Variants in PTGR2 observed in about 807,000 individuals in gnomAD.
The protein encoded by PTGR2 is 15-oxoprostaglandin 13-reductase.
In PTGR2, 32 loss-of-function variants were observed where a neutral mutation model predicts 43.4. The ratio of observed to expected loss-of-function variants is 0.74; its 90% CI spans 0.56 to 0.99. The LOEUF (loss-of-function observed/expected upper bound fraction) is 0.99. PTGR2 is among the 50% of genes least tolerant of loss of function. The pLI is 0.00. For missense variants in PTGR2, 373 were observed against 420.0 expected (o/e 0.89, Z 0.98); for synonymous variants, 106 against 139.2 (o/e 0.76, Z 1.68).
intron 4 of PTGR2, 72 bp from the exon 5 acceptor site, chr14:73,876,926 C>A: frequency 8.7e-7 from 1 of 1,150,926 alleles, no homozygotes; most frequent in Non-Finnish European, 1.3e-6. Flanking sequence ...CAGTCCATAA[C>A]ACGTTGTCTC....
chr14:73,859,000 G>A, intron 2 of PTGR2, 101 bp downstream of exon 2: 1 of 867,836 alleles, frequency 1.2e-6, no homozygotes. Flanking sequence ...AATTAAGGTA[G>A]TAAGATATTG....
At chr14:73,862,645 T>C (rs1051023817) in intron 3 of PTGR2, among the ~76,000 whole-genome samples, 7 of 152,228 alleles carry the variant, frequency 4.6e-5, no homozygotes, top group African/African-American at 7.2e-5. Context: ...GCTTTTGATA[T>C]TATATTGCAG....
At chr14:73,878,242 A>AT (rs1458661996) in intron 5 of PTGR2, 2 of 152,186 alleles carry the variant, frequency 1.3e-5, no homozygotes, top group Non-Finnish European at 2.9e-5. Flanking sequence ...CCGAGCTGTG[A>AT]TTTTAGTTCG....
intron 1 of PTGR2, among the ~76,000 whole-genome samples, chr14:73,857,504 C>G (rs928096032): frequency 4.0e-5 from 6 of 151,680 alleles, no homozygotes; most frequent in Non-Finnish European, 8.8e-5. Flanking sequence ...ATCCCAGCTA[C>G]TTGGGAAGCT....
intron 7 of PTGR2, 149 bp from the exon 8 acceptor site, chr14:73,881,056 A>G (rs566691639): frequency 7.8e-6 from 4 of 515,562 alleles, no homozygotes; most frequent in Non-Finnish European, 1.4e-5. Flanking sequence ...TTACACCTGT[A>G]ACTATGCATA....
At position 73,878,108 on chromosome 14, in the gene PTGR2, T is replaced by C. The variant is rs2054903845; in HGVS notation, c.519+940T>C. The C allele has an allele frequency of 2.0e-5, 3 of 152,176 alleles. No individual in the cohort carries two copies. The South Asian group carries it at 6.2e-4, about 32-fold the overall frequency. The allele number at this position is 152,176 out of a possible 1,614,324, so 9.4% of individuals were successfully genotyped here. A position where few individuals can be genotyped will look rare whatever the true frequency, so the allele number is the denominator to read the frequency against. On this transcript the variant is annotated intron_variant, in intron 5 of 9. Transcript: ENST00000555661. ...TTACAGTGAGCTATGATTGCACCAC[T>C]GTACTCCAGCCTGGGTGACAGACCC... is the stretch of plus-strand genomic sequence containing the variant.
intron 9 of PTGR2, among the ~76,000 whole-genome samples, chr14:73,883,654 T>G (rs1409965169): frequency 5.3e-5 from 8 of 151,910 alleles, no homozygotes; most frequent in Admixed American, 5.2e-4. Context: ...CCCAGCTGAT[T>G]TTTGTATTTT....
intron 5 of PTGR2, chr14:73,877,971 A>G (rs7155548): frequency 0.34 from 51,069 of 152,050 alleles, 9,671 homozygotes; most frequent in Non-Finnish European, 0.42. Context: ...CAGCCTGGGC[A>G]ACATAGTAAG....
At chr14:73,857,273 G>A (rs2054370474) in intron 1 of PTGR2, among the ~76,000 whole-genome samples, 1 of 146,886 alleles carries the variant, frequency 6.8e-6, no homozygotes, top group South Asian at 2.2e-4. Flanking sequence ...TGATAAGAAG[G>A]CAAAGGAATT....
Position 73,858,697 on chromosome 14 carries a change from T to C in PTGR2, c.-47-119T>C. ...AAACTCTGACAGGCGAGTTTATCTT[T>C]TTGGATCCTAAATGTGATTTTTCTC... On this transcript the variant is annotated intron_variant, in intron 1 of 9. Transcript: ENST00000555661. 4 of 447,198 alleles carry C rather than the reference T, an allele frequency of 8.9e-6. No homozygotes were observed. The South Asian group carries it at 1.9e-4, about 21-fold the overall frequency. 27.7% of individuals were successfully genotyped at this position (447,198 alleles called of 1,614,324 possible). A position where few individuals can be genotyped will look rare whatever the true frequency, so the allele number is the denominator to read the frequency against.
At chr14:73,861,695 C>T (rs1182533809) in intron 3 of PTGR2, 5 of 152,058 alleles carry the variant, frequency 3.3e-5, no homozygotes, top group African/African-American at 1.2e-4. Flanking sequence ...ATGATTGCGC[C>T]ACTGCACTTC....
intron 3 of PTGR2, among the ~76,000 whole-genome samples, chr14:73,873,123 C>T (rs2054776437): frequency 6.6e-6 from 1 of 151,950 alleles, no homozygotes. Context: ...GCCTGACCAA[C>T]ATGGAGAAAC....
intron 3 of PTGR2, among the ~76,000 whole-genome samples, chr14:73,865,391 G>A (rs2054578176): frequency 6.6e-6 from 1 of 152,052 alleles, no homozygotes; most frequent in East Asian, 1.9e-4. Context: ...CTGCTTTTTT[G>A]TTCCATCTGG....
chr14:73,885,571 G>A lies in PTGR2; in HGVS notation c.*1394G>A, dbSNP rs1044611207. The A allele has an allele frequency of 6.6e-6, 1 of 152,142 alleles. No individual in the cohort carries two copies. The highest frequency in any genetic ancestry group is 6.6e-5 in the Admixed American group (1 of 15,256). 9.4% of individuals were successfully genotyped at this position (152,142 alleles called of 1,614,324 possible). Reference sequence around the variant, plus strand: ...GGTAATCAGCCTCCCCAGTTTTCGTGAGTGGCCCTTTTTTGTTACTTTTCC... The same window carrying A: ...GGTAATCAGCCTCCCCAGTTTTCGTAAGTGGCCCTTTTTTGTTACTTTTCC... On this transcript the variant is annotated 3_prime_UTR_variant, in exon 10 of 10. Coordinates refer to ENST00000555661, the MANE Select transcript of PTGR2 (RefSeq NM_001146154.2).
intron 8 of PTGR2, 38 bp downstream of exon 8, chr14:73,881,330 C>T: frequency 8.3e-7 from 1 of 1,211,858 alleles, no homozygotes; most frequent in Non-Finnish European, 1.2e-6. Context: ...ATTCTTCCTG[C>T]TACTTGATAT....
In PTGR2 at chr14:73,880,077, TC is replaced by T; in HGVS notation, c.754del (p.Leu252CysfsTer22). 2 of 1,613,534 alleles carry T rather than the reference TC, an allele frequency of 1.2e-6. No individual in the cohort carries two copies. The highest frequency in any genetic ancestry group is 1.7e-6 in the Non-Finnish European group (2 of 1,179,532). ...CAGATGAATGAGAACAGCCACATCATCCTGTGTGGTCAAATTTCTCAGTACA... is the reference window on the plus strand; with the variant it reads ...CAGATGAATGAGAACAGCCACATCATCTGTGTGGTCAAATTTCTCAGTACA... ...ISQMNENSHI[I>X]LCGQISQYNK... On this transcript the variant is annotated frameshift_variant, in exon 7 of 10. Transcript: ENST00000555661.
intron 1 of PTGR2, among the ~76,000 whole-genome samples, chr14:73,852,741 T>C (rs934565662): frequency 6.2e-4 from 94 of 152,044 alleles, no homozygotes; most frequent in African/African-American, 2.2e-3. Flanking sequence ...AATCTCCACA[T>C]GCAAGACTTC....
intron 3 of PTGR2, among the ~76,000 whole-genome samples, chr14:73,871,014 G>T (rs1223624267): frequency 6.6e-6 from 1 of 152,164 alleles, no homozygotes; most frequent in Non-Finnish European, 1.5e-5. Flanking sequence ...AAGTGGTTGG[G>T]AGCTCCTGGA....
intron 5 of PTGR2, 194 bp downstream of exon 5, chr14:73,877,362 T>G: frequency 2.2e-6 from 1 of 458,072 alleles, no homozygotes; most frequent in Non-Finnish European, 3.9e-6. Flanking sequence ...CCTCCTGGGT[T>G]CAAGAGATTC....
Sources: allele counts gnomAD v4.1 joint callset (sites outside exome capture counted in the v4.1 genomes callset), GRCh38; gene constraint gnomAD v4.1.1; transcripts MANE v1.5; gene names NCBI Gene and HGNC (gene_info 2026-07-23, HGNC 2026-07-21).